PDE4A: variants seen among roughly 807,000 people sequenced by gnomAD.
PDE4A encodes 3',5'-cyclic-AMP phosphodiesterase 4A.
A neutral mutation model predicts 73.9 loss-of-function variants in PDE4A; 21 were observed. The ratio of observed to expected loss-of-function variants is 0.28; its 90% confidence interval spans 0.20 to 0.41. PDE4A has a LOEUF of 0.41. PDE4A is among the 10% of genes least tolerant of loss of function. The pLI, the probability that PDE4A is intolerant of heterozygous loss-of-function variation, is 1.00. For missense variants in PDE4A, 958 were observed against 1,211.4 expected (o/e 0.79, Z 3.10); for synonymous variants, 463 against 505.4 (o/e 0.92, Z 1.13).
chr19:10,459,190 A>AT (rs2043218946), intron 8 of PDE4A: 1 of 792,558 alleles, frequency 1.3e-6, no homozygotes, highest in Non-Finnish European at 1.9e-6. Flanking sequence ...TTGGCAGATC[A>AT]TAAGTACTCA....
chr19:10,435,871 C>A (rs1277126467), intron 1 of PDE4A, among the ~76,000 whole-genome samples: 1 of 152,132 alleles, frequency 6.6e-6, no homozygotes, highest in African/African-American at 2.4e-5. Flanking sequence ...TCTCCCCTAT[C>A]CCCACCAGCT....
intron 1 of PDE4A, among the ~76,000 whole-genome samples, chr19:10,437,865 C>A (rs1366473632): frequency 6.8e-6 from 1 of 148,148 alleles, no homozygotes; most frequent in Non-Finnish European, 1.5e-5. Flanking sequence ...AGTGCAGTGG[C>A]ATCATCACTG....
chr19:10,416,895 C>A (rs1314955564), upstream of PDE4A: 8 of 1,535,198 alleles, frequency 5.2e-6, no homozygotes, highest in Non-Finnish European at 6.1e-6. Context: ...AGGCCCTGGC[C>A]CTGCCGACAT....
intron 6 of PDE4A, among the ~76,000 whole-genome samples, chr19:10,454,523 A>G (rs2043142416): frequency 6.6e-6 from 1 of 152,198 alleles, no homozygotes; most frequent in African/African-American, 2.4e-5. Flanking sequence ...GTTAGGCAGG[A>G]GCCCCTCCCT....
chr19:10,454,799 A>G (rs199958611), intron 6 of PDE4A, 30 bp from the exon 7 acceptor site: 4 of 1,613,254 alleles, frequency 2.5e-6, no homozygotes, highest in South Asian at 2.2e-5. Context: ...TTCCCCCATC[A>G]TTTCTTCCTT....
chr19:10,437,100 G>C (rs2042875254), intron 1 of PDE4A, among the ~76,000 whole-genome samples: 1 of 152,112 alleles, frequency 6.6e-6, no homozygotes. Context: ...GATGATCTAT[G>C]ATTATCTCAC....
chr19:10,432,503 C>G (rs1457301380), intron 1 of PDE4A: 21 of 1,520,284 alleles, frequency 1.4e-5, no homozygotes, highest in Non-Finnish European at 1.9e-5. Flanking sequence ...CCACGGGCCC[C>G]GAGTCCCTGA....
At position 10,467,516 on chromosome 19, in the gene PDE4A, C is replaced by A. The variant is rs532788597; in HGVS notation, c.2556C>A (p.His852Gln). The A allele has an allele frequency of 2.0e-5, 32 of 1,612,676 alleles. No individual in the cohort carries two copies. The highest frequency in any genetic ancestry group is 2.7e-5 in the Non-Finnish European group (32 of 1,179,846). The change falls in exon 15 of 15, where the codon CAC (histidine) becomes CAA (glutamine). Residue 852 changes from histidine (H) to glutamine (Q), a missense_variant. By Grantham distance (24) the His-to-Gln change is conservative. Around this residue, in one of 3 missense-constraint regions of PDE4A, gnomAD observed 243 missense variants for 245.9 expected, o/e 0.99. Coordinates refer to ENST00000380702, the MANE Select transcript of PDE4A (RefSeq NM_001111307.2). ...CCGAGGTGGAGGCCCAACGAGAGCA[C>A]CAGGCTGCCAAGAGGGCTTGCAGTG... ...TAAEVEAQRE[H>Q]QAAKRACSAC...
Position 10,469,111 on chromosome 19 carries a change from G to A in PDE4A, c.*1490G>A, listed in dbSNP as rs2043433809. 6.6e-6 allele frequency: 1 copy of A among 152,646 alleles called. No individual in the cohort carries two copies. The highest frequency in any genetic ancestry group is 1.9e-4 in the East Asian group (1 of 5,320). 9.5% of individuals were successfully genotyped at this position (152,646 alleles called of 1,614,324 possible). A position where few individuals can be genotyped will look rare whatever the true frequency, so the allele number is the denominator to read the frequency against. On this transcript the variant is annotated 3_prime_UTR_variant, in exon 15 of 15. Transcript: ENST00000380702. ...GGGTTCATATTTTGTAGCGAAAGTC[G>A]TTTTTGTCCCAGCCGGCGATCGGAG... is the stretch of plus-strand genomic sequence containing the variant.
At position 10,453,380 on chromosome 19, in the gene PDE4A, C is replaced by T. The variant is rs545165885; in HGVS notation, c.784-1449C>T. On this transcript the variant is annotated intron_variant, in intron 6 of 14. Coordinates refer to ENST00000380702, the MANE Select transcript of PDE4A (RefSeq NM_001111307.2). The surrounding 1 kb of genome is among the most constrained non-coding windows in gnomAD (Gnocchi z 4.6). The stretch of plus-strand genomic sequence containing the variant: ...GGCGGGCATCCTGGTGAGCTGGGCC[C>T]CCGGTGTGGGCTTGTGTGTGCAGCT... 1.0e-5 allele frequency: 16 copies of T among 1,582,298 alleles called. No individual in the cohort carries two copies. Among genetic ancestry groups the T allele is most frequent in the Non-Finnish European group, 1.3e-5 (15 of 1,167,458 alleles).
At chr19:10,439,084 G>A (rs1232788900) in intron 1 of PDE4A, among the ~76,000 whole-genome samples, 1 of 152,168 alleles carries the variant, frequency 6.6e-6, no homozygotes. Context: ...ATCTGTTTGA[G>A]ATCCCCACTT....
At chr19:10,437,727 C>G (rs1422832839) in intron 1 of PDE4A, among the ~76,000 whole-genome samples, 1 of 151,132 alleles carries the variant, frequency 6.6e-6, no homozygotes, top group African/African-American at 2.4e-5. Flanking sequence ...CCATTTTATC[C>G]ATTTTCGAGT....
chr19:10,426,674 C>T (rs944449885), intron 1 of PDE4A, among the ~76,000 whole-genome samples: 1 of 151,298 alleles, frequency 6.6e-6, no homozygotes, highest in Non-Finnish European at 1.5e-5. Context: ...AGTTCGAGAC[C>T]AGCCTGGCCA....
chr19:10,450,732 G>GTCC, intron 5 of PDE4A, 80 bp downstream of exon 5: 1 of 1,585,374 alleles, frequency 6.3e-7, no homozygotes, highest in Non-Finnish European at 8.6e-7. Context: ...CCACCCAGCA[G>GTCC]TCCACTCACC....
At chr19:10,466,685 G>A (rs1046394652) in intron 14 of PDE4A, 10 of 241,654 alleles carry the variant, frequency 4.1e-5, no homozygotes, top group Admixed American at 6.5e-5. Context: ...GTAGAGATGC[G>A]GTTTCACCAT....
rs1032023392 is a variant in PDE4A, at chr19:10,458,290, G to A, written c.1101+188G>A. ...CTGTATCATTCATTGCTTGGGGGCC[G>A]TCCCCAGGGCTGGACGTATCACCTC... On this transcript the variant is annotated intron_variant, in intron 8 of 14. Coordinates refer to ENST00000380702, the MANE Select transcript of PDE4A (RefSeq NM_001111307.2). This position sits in a 1 kb window ranked among gnomAD's most constrained non-coding sequence, Gnocchi z 4.6. 6.6e-6 allele frequency among the ~76,000 whole-genome samples: 1 copy of A among 152,174 alleles called. No homozygotes were observed. Among genetic ancestry groups the A allele is most frequent in the African/African-American group, 2.4e-5 (1 of 41,446 alleles).
At chr19:10,440,686 C>T (rs560890802) in intron 1 of PDE4A, among the ~76,000 whole-genome samples, 2 of 152,300 alleles carry the variant, frequency 1.3e-5, no homozygotes, top group South Asian at 4.1e-4. Flanking sequence ...GCAACCTCCA[C>T]CTTCCGGGTT....
At chr19:10,462,498 T>G (rs559510768) in intron 13 of PDE4A, among the ~76,000 whole-genome samples, 10 of 152,102 alleles carry the variant, frequency 6.6e-5, no homozygotes, top group Admixed American at 2.6e-4. Context: ...CTTTGTATGT[T>G]TAAAGGAGAG....
At position 10,421,102 on chromosome 19, in the gene PDE4A, G is replaced by C; in HGVS notation, c.320+18G>C. The C allele has an allele frequency of 2.2e-6, 3 of 1,361,188 alleles. No homozygotes were observed. The highest frequency in any genetic ancestry group is 2.8e-6 in the Non-Finnish European group (3 of 1,064,964). The allele number at this position is 1,361,188 out of a possible 1,614,324, so 84.3% of individuals were successfully genotyped here. A position where few individuals can be genotyped will look rare whatever the true frequency, so the allele number is the denominator to read the frequency against. On this transcript the variant is annotated intron_variant, in intron 1 of 14. Coordinates refer to ENST00000380702, the MANE Select transcript of PDE4A (RefSeq NM_001111307.2). ...AGCAGGCGGTAAGACTCCCCGCGGC[G>C]GATGCGCGCGGAACGGATGGGCGCG... is the stretch of plus-strand genomic sequence containing the variant.
Sources: allele counts gnomAD v4.1 joint callset (sites outside exome capture counted in the v4.1 genomes callset), GRCh38; gene constraint gnomAD v4.1.1; regional missense constraint gnomAD v4.1.1; non-coding constraint Gnocchi (gnomAD v3.1); transcripts MANE v1.5; gene names NCBI Gene and HGNC (gene_info 2026-07-23, HGNC 2026-07-21).